Variants in TJP1 observed in about 807,000 individuals in gnomAD.
TJP1 encodes the protein tight junction protein ZO-1.
In TJP1, 43 loss-of-function variants were observed where a neutral mutation model predicts 194.2. That is an observed-to-expected ratio of 0.22 (90% CI 0.17 to 0.29). The LOEUF (loss-of-function observed/expected upper bound fraction) is 0.29, where lower values mean the gene tolerates loss of function less well. Among genes scored for constraint, TJP1 ranks in the 10% least tolerant of loss-of-function variants. TJP1 has a pLI of 1.00. For synonymous variants in TJP1, 801 were observed against 779.0 expected (o/e 1.03, Z -0.47); for missense variants, 1,971 against 2,185.7 (o/e 0.90, Z 1.96).
intron 8 of TJP1, among the ~76,000 whole-genome samples, chr15:29,754,690 G>T (rs542263698): frequency 3.0e-4 from 45 of 152,242 alleles, no homozygotes; most frequent in African/African-American, 1.0e-3. Flanking sequence ...AACTGTTTTG[G>T]ATTTCGGATT....
chr15:29,922,566 G>A (rs2054400451), intron 2 of TJP1, among the ~76,000 whole-genome samples: 2 of 152,240 alleles, frequency 1.3e-5, no homozygotes, highest in Middle Eastern at 3.4e-3. Context: ...AGAAATAATT[G>A]GTGTGAAAAT....
At chr15:29,906,347 C>T (rs923419982) in intron 2 of TJP1, among the ~76,000 whole-genome samples, 1 of 151,754 alleles carries the variant, frequency 6.6e-6, no homozygotes, top group Admixed American at 6.6e-5. Context: ...ATGATGCACG[C>T]CTGTAATCCC....
At chr15:29,760,183 T>C (rs1482675954) in intron 8 of TJP1, 9 of 701,778 alleles carry the variant, frequency 1.3e-5, no homozygotes, top group Middle Eastern at 2.3e-4. Flanking sequence ...ATGGGTCAGG[T>C]GGTGGCCTAT....
intron 1 of TJP1, among the ~76,000 whole-genome samples, chr15:29,809,209 G>T (rs549625774): frequency 6.6e-6 from 1 of 151,990 alleles, no homozygotes; most frequent in Non-Finnish European, 1.5e-5. Context: ...ATGCTAAAAT[G>T]GTAATATTTT....
chr15:29,772,076 T>G lies in TJP1; in HGVS notation c.300A>C (p.Lys100Asn), dbSNP rs1417189441. Residue 100 changes from lysine (K) to asparagine (N), a missense_variant, in exon 4 of 28, where the codon AAA (lysine) becomes AAC (asparagine). Physicochemically the swap from Lys to Asn is moderately conservative, Grantham distance 94. Transcript: ENST00000614355. ...FAVQQLRKSG[K>N]NAKITIRRKK... ...AAAAGATACTTACAATTTTTGCATT[T>G]TTCCCACTTTTCCTTAGTTGCTGAA... 3.1e-6 allele frequency: 5 copies of G among 1,597,226 alleles called. No individual in the cohort carries two copies. Among genetic ancestry groups the G allele is most frequent in the Non-Finnish European group, 3.4e-6 (4 of 1,173,704 alleles).
intron 2 of TJP1, among the ~76,000 whole-genome samples, chr15:29,778,655 T>C (rs2047166348): frequency 6.6e-6 from 1 of 152,138 alleles, no homozygotes; most frequent in Non-Finnish European, 1.5e-5. Flanking sequence ...AGCACCCCAG[T>C]CTTTGCTCTA....
At chr15:29,807,095 G>T (rs1392693357) in intron 1 of TJP1, among the ~76,000 whole-genome samples, 2 of 152,162 alleles carry the variant, frequency 1.3e-5, no homozygotes, top group Non-Finnish European at 2.9e-5. Context: ...TTCAACACTG[G>T]TTAAATTTAC....
chr15:29,818,027 A>C (rs978644965), intron 1 of TJP1, among the ~76,000 whole-genome samples: 1 of 152,022 alleles, frequency 6.6e-6, no homozygotes, highest in South Asian at 2.1e-4. Flanking sequence ...AAAAAAGCCC[A>C]CTGTGCTCCA....
Position 29,792,818 on chromosome 15 carries a change from C to CT in TJP1, c.84+7827dup, listed in dbSNP as rs538293820. ...GTTTTATAGTTTTCATTGTAGAAAT[C>CT]TTTCACTTCTTTGGTTAAGTTTATT... is the stretch of plus-strand genomic sequence containing the variant. On this transcript the variant is annotated intron_variant, in intron 2 of 27. Coordinates refer to ENST00000614355, the MANE Select transcript of TJP1 (RefSeq NM_001330239.4). 1.1e-4 allele frequency among the ~76,000 whole-genome samples: 17 copies of CT among 152,136 alleles called. 1 individual carries two copies. The East Asian group carries it at 2.7e-3, about 24-fold the overall frequency.
intron 2 of TJP1, among the ~76,000 whole-genome samples, chr15:29,948,948 C>G (rs1567223241): frequency 6.6e-6 from 1 of 151,290 alleles, no homozygotes; most frequent in Non-Finnish European, 1.5e-5. Flanking sequence ...CTTCCAACTC[C>G]ACCACCACCA....
intron 2 of TJP1, among the ~76,000 whole-genome samples, chr15:29,929,765 T>C (rs1224169395): frequency 6.6e-6 from 1 of 151,370 alleles, no homozygotes; most frequent in Non-Finnish European, 1.5e-5. Flanking sequence ...AACAAGAGTA[T>C]AAGATAACAG....
intron 2 of TJP1, among the ~76,000 whole-genome samples, chr15:29,778,608 T>G (rs1595864547): frequency 1.3e-5 from 2 of 152,284 alleles, no homozygotes; most frequent in Admixed American, 1.3e-4. Context: ...TTCCTTAGCA[T>G]GCAGTGCCTT....
chr15:29,744,579 T>C (rs2044641582), intron 8 of TJP1, among the ~76,000 whole-genome samples: 1 of 152,226 alleles, frequency 6.6e-6, no homozygotes, highest in African/African-American at 2.4e-5. Context: ...TCTATAATTT[T>C]ACAAAGTATC....
chr15:29,719,264 C>G, intron 20 of TJP1, 126 bp from the exon 21 acceptor site: 3 of 1,157,090 alleles, frequency 2.6e-6, no homozygotes, highest in Non-Finnish European at 3.5e-6. Flanking sequence ...CATTTATTAT[C>G]AGGATAGACA....
At chr15:29,955,729 C>G (rs1275878676) in intron 2 of TJP1, among the ~76,000 whole-genome samples, 2 of 111,092 alleles carry the variant, frequency 1.8e-5, no homozygotes, top group African/African-American at 7.3e-5. Context: ...CCAGTCAGGG[C>G]AACAGAAGGA....
chr15:29,833,877 A>ATTTTTTTTTTTTTTT (rs1332880070), intron 2 of TJP1, among the ~76,000 whole-genome samples: 1 of 14,428 alleles, frequency 6.9e-5, no homozygotes, highest in East Asian at 6.8e-3. Flanking sequence ...ATATATATAT[A>ATTTTTTTTTTTTTTT]TATATTTTTT....
Position 29,718,082 on chromosome 15 carries a change from T to C in TJP1, c.3913A>G (p.Ile1305Val), listed in dbSNP as rs1449658720. 1 of 1,606,664 alleles carries C rather than the reference T, an allele frequency of 6.2e-7. No homozygotes were observed. The highest frequency in any genetic ancestry group is 1.4e-5 in the African/African-American group (1 of 72,314). The change falls in exon 22 of 28, where the codon ATC (isoleucine) becomes GTC (valine). Residue 1305 changes from isoleucine (I) to valine (V), a missense_variant. This residue lies in a region of TJP1 where 1,108 missense variants were observed against 1,128.5 expected (regional missense o/e 0.98). Coordinates refer to ENST00000614355, the MANE Select transcript of TJP1 (RefSeq NM_001330239.4). ...TGAGAAGTGGGTTTGGGACCAATGATGGGAGCACCTGAAGGTTTAGATGCT... is the reference window on the plus strand; with the variant it reads ...TGAGAAGTGGGTTTGGGACCAATGACGGGAGCACCTGAAGGTTTAGATGCT... The part of the protein sequence containing the change: ...EVASKPSGAP[I>V]IGPKPTSQNQ...
intron 2 of TJP1, among the ~76,000 whole-genome samples, chr15:29,919,154 T>C (rs1719339): frequency 0.095 from 14,497 of 152,254 alleles, 1,459 homozygotes; most frequent in African/African-American, 0.26. Context: ...AGTAGAACAA[T>C]GTTTTTCAAA....
intron 2 of TJP1, among the ~76,000 whole-genome samples, chr15:29,918,874 C>A (rs2054269922): frequency 1.3e-5 from 2 of 152,032 alleles, no homozygotes. Context: ...GGTCCAACAG[C>A]AAATTTATAG....
Sources: allele counts gnomAD v4.1 joint callset (sites outside exome capture counted in the v4.1 genomes callset), GRCh38; gene constraint gnomAD v4.1.1; regional missense constraint gnomAD v4.1.1; transcripts MANE v1.5; gene names NCBI Gene and HGNC (gene_info 2026-07-23, HGNC 2026-07-21).